The following STRN variants were observed in gnomAD, a reference collection of about 807,000 sequenced individuals.
The protein encoded by STRN is striatin.
Under a neutral mutation model 96.3 loss-of-function variants are expected in STRN, and 53 were observed. That is an observed-to-expected ratio of 0.55 (90% CI 0.44 to 0.69). The LOEUF (loss-of-function observed/expected upper bound fraction) is 0.69. Among genes scored for constraint, STRN ranks in the 30% least tolerant of loss-of-function variants. The probability of loss-of-function intolerance (pLI) is 0.00; values close to 1 mark genes in which losing one functional copy is unlikely to be tolerated. For synonymous variants in STRN, 428 were observed against 355.9 expected (o/e 1.20, Z -2.28); for missense variants, 987 against 963.9 (o/e 1.02, Z -0.32).
chr2:36,961,491 GCACATC>G (rs1403525445), intron 1 of STRN, among the ~76,000 whole-genome samples: 1 of 151,994 alleles, frequency 6.6e-6, no homozygotes. Context: ...CTATCCTTTA[GCACATC>G]TTGTTGGCTC....
intron 3 of STRN, among the ~76,000 whole-genome samples, chr2:36,906,412 T>C (rs1669820604): frequency 6.6e-6 from 1 of 152,038 alleles, no homozygotes; most frequent in Admixed American, 6.5e-5. Context: ...TGAGCTGTGA[T>C]CGTGCCACTG....
chr2:36,940,618 G>A (rs560563779), intron 1 of STRN, among the ~76,000 whole-genome samples: 2 of 150,918 alleles, frequency 1.3e-5, no homozygotes, highest in Non-Finnish European at 1.5e-5. Flanking sequence ...ACGAGGTCAG[G>A]AGATCAAGAC....
intron 9 of STRN, 109 bp from the exon 10 acceptor site, chr2:36,878,136 T>A: frequency 8.6e-7 from 1 of 1,157,968 alleles, no homozygotes; most frequent in South Asian, 1.6e-5. Context: ...CTTAATTGTT[T>A]TTAAATGCTT....
At chr2:36,915,150 T>C (rs1311936953) in intron 3 of STRN, among the ~76,000 whole-genome samples, 14 of 144,606 alleles carry the variant, frequency 9.7e-5, no homozygotes, top group Non-Finnish European at 2.0e-4. Context: ...TGAGCCGAGA[T>C]CATGCCGCTG....
chr2:36,959,247 T>G (rs186904431), intron 1 of STRN, among the ~76,000 whole-genome samples: 35 of 152,324 alleles, frequency 2.3e-4, no homozygotes, highest in African/African-American at 8.4e-4. Flanking sequence ...TCTTTATGCC[T>G]GTTATCTAAA....
chr2:36,871,393 T>C (rs2148152480), intron 10 of STRN, among the ~76,000 whole-genome samples: 1 of 152,350 alleles, frequency 6.6e-6, no homozygotes, highest in South Asian at 2.1e-4. Context: ...TAGACATGTT[T>C]AGATACTTAC....
intron 12 of STRN, among the ~76,000 whole-genome samples, chr2:36,864,674 G>A (rs1009347414): frequency 1.3e-5 from 2 of 152,096 alleles, no homozygotes; most frequent in Admixed American, 6.6e-5. Context: ...CTCATAGAAT[G>A]AGTTAGGGAA....
At position 36,966,524 on chromosome 2, in the gene STRN, C is replaced by A; in HGVS notation, c.-61G>T. 7.3e-7 allele frequency: 1 copy of A among 1,363,208 alleles called. No homozygotes were observed. Among genetic ancestry groups the A allele is most frequent in the South Asian group, 1.7e-5 (1 of 59,302 alleles). 84.4% of individuals were successfully genotyped at this position (1,363,208 alleles called of 1,614,324 possible). A position where few individuals can be genotyped will look rare whatever the true frequency, so the allele number is the denominator to read the frequency against. On this transcript the variant is annotated 5_prime_UTR_variant, in exon 1 of 18. Coordinates refer to ENST00000263918, the MANE Select transcript of STRN (RefSeq NM_003162.4). ...CCAGCAGCGGAGGCAACAGCGGCGG[C>A]AAGCAGCGCCTCCTCCTCCCTCCGC...
intron 1 of STRN, among the ~76,000 whole-genome samples, chr2:36,940,774 T>C (rs1670825340): frequency 6.7e-6 from 1 of 149,388 alleles, no homozygotes; most frequent in Admixed American, 6.7e-5. Flanking sequence ...GAAGCAGAGC[T>C]TGCAGTGGGC....
intron 2 of STRN, among the ~76,000 whole-genome samples, chr2:36,919,977 G>A (rs1670208305): frequency 6.6e-6 from 1 of 151,968 alleles, no homozygotes; most frequent in Admixed American, 6.6e-5. Flanking sequence ...TTAATAATTC[G>A]GTTTTACTTT....
intron 1 of STRN, among the ~76,000 whole-genome samples, chr2:36,944,664 CTG>C (rs1375595792): frequency 6.6e-6 from 1 of 151,994 alleles, no homozygotes; most frequent in African/African-American, 2.4e-5. Context: ...AAAAAGAAAA[CTG>C]TTCCTATTTG....
At chr2:36,854,597 G>C (rs1668298912) in intron 15 of STRN, among the ~76,000 whole-genome samples, 1 of 152,140 alleles carries the variant, frequency 6.6e-6, no homozygotes, top group Non-Finnish European at 1.5e-5. Flanking sequence ...TTTAAAGCTA[G>C]TTCTCAGATT....
rs958853316 is a variant in STRN at position 36,839,034 on chromosome 2, T to G, written c.*10422A>C. 6.6e-6 allele frequency among the ~76,000 whole-genome samples: 1 copy of G among 152,332 alleles called. No individual in the cohort carries two copies. Among genetic ancestry groups the G allele is most frequent in the South Asian group, 2.1e-4 (1 of 4,824 alleles). ...AGCAAGTGCAGCATAATATGTAGAA[T>G]AAAACCCCATATGTAATAACTGGGT... On this transcript the variant is annotated 3_prime_UTR_variant, in exon 18 of 18. Transcript: ENST00000263918.
intron 6 of STRN, among the ~76,000 whole-genome samples, chr2:36,898,949 AAG>A (rs1346419070): frequency 1.3e-5 from 2 of 152,134 alleles, no homozygotes; most frequent in Non-Finnish European, 2.9e-5. Context: ...AAGAGGGAAG[AAG>A]AGAAGAAAAT....
chr2:36,891,860 A>G (rs999114805), intron 7 of STRN, among the ~76,000 whole-genome samples: 5 of 152,226 alleles, frequency 3.3e-5, no homozygotes, highest in African/African-American at 1.2e-4. Context: ...ATGAAGGAGA[A>G]AAAAGTTCAA....
At chr2:36,916,180 A>G in intron 2 of STRN, 29 bp from the exon 3 acceptor site, 2 of 1,563,738 alleles carry the variant, frequency 1.3e-6, no homozygotes, top group Non-Finnish European at 8.8e-7. Flanking sequence ...AATACAGACC[A>G]TCTTAAAATA....
At chr2:36,886,186 A>T (rs1223199966) in intron 8 of STRN, among the ~76,000 whole-genome samples, 1 of 152,200 alleles carries the variant, frequency 6.6e-6, no homozygotes, top group African/African-American at 2.4e-5. Context: ...ATAGAAAATA[A>T]ATATTTTTAG....
At chr2:36,948,524 T>C (rs1349624014) in intron 1 of STRN, among the ~76,000 whole-genome samples, 1 of 152,306 alleles carries the variant, frequency 6.6e-6, no homozygotes, top group South Asian at 2.1e-4. Context: ...AATTTTAACA[T>C]CATTAACAAC....
chr2:36,924,586 T>C (rs940621823), intron 2 of STRN, among the ~76,000 whole-genome samples: 23 of 152,202 alleles, frequency 1.5e-4, no homozygotes, highest in African/African-American at 5.3e-4. Flanking sequence ...AAAATGTTGC[T>C]AATTTTTAAG....
Sources: gnomAD v4.1 joint callset for allele counts (sites outside exome capture counted in the v4.1 genomes callset) on GRCh38, gnomAD v4.1.1 for gene constraint, MANE v1.5 for transcripts, NCBI Gene and HGNC (gene_info 2026-07-23, HGNC 2026-07-21) for gene names.